The following IL21R variants were observed in gnomAD, a reference collection of about 807,000 sequenced individuals.
The protein encoded by IL21R is interleukin 21 receptor.
In IL21R, 14 loss-of-function variants were observed where a neutral mutation model predicts 41.3. That is an observed-to-expected ratio of 0.34 (90% CI 0.22 to 0.53). The LOEUF (loss-of-function observed/expected upper bound fraction) is 0.53, where lower values mean the gene tolerates loss of function less well. Ranked by LOEUF, IL21R falls within the 20% of genes least tolerant of loss-of-function variation. IL21R has a pLI of 0.94. For synonymous variants in IL21R, 286 were observed against 287.6 expected, an observed-to-expected ratio of 0.99 and a Z score of 0.05; for missense variants, 588 against 681.6, an observed-to-expected ratio of 0.86 and a Z score of 1.53.
At chr16:27,438,239 C>T (rs2087308306) in intron 4 of IL21R, among the ~76,000 whole-genome samples, 1 of 152,026 alleles carries the variant, frequency 6.6e-6, no homozygotes, top group Non-Finnish European at 1.5e-5. Flanking sequence ...TTAACCCTGA[C>T]TTTCTGGGAT....
At position 27,437,575 on chromosome 16, in the gene IL21R, C is replaced by G. The variant is rs1335360995; in HGVS notation, c.240C>G (p.Thr80=). 1.2e-6 allele frequency: 2 copies of G among 1,614,098 alleles called. No homozygotes were observed. The change falls in exon 4 of 9, where the codon ACC becomes ACG. Residue 80 remains threonine (T), a synonymous_variant. Transcript: ENST00000337929. Reference sequence around the variant, plus strand: ...ACAATGCCACGCATGCCACCTACACCTGCCACATGGATGTATTCCACTTCA... The same window carrying G: ...ACAATGCCACGCATGCCACCTACACGTGCCACATGGATGTATTCCACTTCA... ...SAHNATHATY[T]CHMDVFHFMA...
In IL21R at chr16:27,448,672, G is replaced by C; in HGVS notation, c.1006G>C (p.Glu336Gln). The change falls in exon 9 of 9, where the codon GAA (glutamate) becomes CAA (glutamine). Residue 336 changes from glutamate to glutamine, a missense_variant. Coordinates refer to ENST00000337929, the MANE Select transcript of IL21R (RefSeq NM_181078.3). ...AKRLQLTELQ[E>Q]PAELVESDGV... Reference sequence around the variant, plus strand: ...GAGGCTGCAGCTCACGGAGCTACAAGAACCAGCAGAGCTGGTGGAGTCTGA... The same window carrying C: ...GAGGCTGCAGCTCACGGAGCTACAACAACCAGCAGAGCTGGTGGAGTCTGA... The C allele has an allele frequency of 6.2e-7, 1 of 1,613,170 alleles. No individual in the cohort carries two copies. The highest frequency in any genetic ancestry group is 1.7e-4 in the Middle Eastern group (1 of 6,060).
At chr16:27,423,394 G>A (rs1232267293) in intron 1 of IL21R, among the ~76,000 whole-genome samples, 2 of 151,884 alleles carry the variant, frequency 1.3e-5, no homozygotes, top group Admixed American at 6.6e-5. Context: ...CATACAAAAG[G>A]GCATAAAATA....
chr16:27,451,175 T>C lies in IL21R; in HGVS notation c.*1892T>C. ...TAGGGACTCTTGGGTCCAGATGTGC[T>C]GTGGTTTTCACACCTTCTTGGGGGC... On this transcript the variant is annotated 3_prime_UTR_variant, in exon 9 of 9. Coordinates refer to ENST00000337929, the MANE Select transcript of IL21R (RefSeq NM_181078.3). The C allele has an allele frequency of 4.4e-6, 1 of 228,910 alleles. No homozygotes were observed. Among genetic ancestry groups the C allele is most frequent in the Non-Finnish European group, 8.5e-6 (1 of 117,306 alleles). The allele number at this position is 228,910 out of a possible 1,614,324, so 14.2% of individuals were successfully genotyped here.
At chr16:27,406,648 C>T (rs73531156) in intron 1 of IL21R, among the ~76,000 whole-genome samples, 1 of 151,984 alleles carries the variant, frequency 6.6e-6, no homozygotes, top group African/African-American at 2.4e-5. Flanking sequence ...CCCCAACATA[C>T]CTGCCTTCAG....
intron 1 of IL21R, among the ~76,000 whole-genome samples, chr16:27,409,378 A>G (rs1365037113): frequency 6.6e-6 from 1 of 151,214 alleles, no homozygotes; most frequent in Non-Finnish European, 1.5e-5. Context: ...ATTTTCATGA[A>G]GTTTATTTAT....
intron 1 of IL21R, among the ~76,000 whole-genome samples, chr16:27,424,318 C>A (rs2087042583): frequency 6.6e-6 from 1 of 152,162 alleles, no homozygotes; most frequent in Admixed American, 6.5e-5. Context: ...AGGTGATCCA[C>A]CCACCTCGGC....
chr16:27,408,230 G>A (rs911409297), intron 1 of IL21R, among the ~76,000 whole-genome samples: 1 of 152,230 alleles, frequency 6.6e-6, no homozygotes, highest in Non-Finnish European at 1.5e-5. Flanking sequence ...TGACAGAGGA[G>A]CTGCCATTTG....
At chr16:27,448,391 GT>G in intron 8 of IL21R, 142 bp from the exon 9 acceptor site, 1 of 829,536 alleles carries the variant, frequency 1.2e-6, no homozygotes, top group South Asian at 1.9e-5. Flanking sequence ...GGAGGCAGAG[GT>G]TGCAGTGAAC....
chr16:27,418,911 T>A (rs2086951676), intron 1 of IL21R, among the ~76,000 whole-genome samples: 1 of 151,668 alleles, frequency 6.6e-6, no homozygotes, highest in South Asian at 2.1e-4. Flanking sequence ...AAAAAAATTT[T>A]TTTTTGTTAA....
intron 1 of IL21R, chr16:27,403,340 C>A (rs1324096324): frequency 9.8e-7 from 1 of 1,024,830 alleles, no homozygotes; most frequent in Non-Finnish European, 1.3e-6. Context: ...CCCTGGGGAG[C>A]GGGAACTTAG....
intron 1 of IL21R, among the ~76,000 whole-genome samples, chr16:27,421,877 G>A (rs530408408): frequency 5.9e-5 from 9 of 152,066 alleles, no homozygotes; most frequent in African/African-American, 1.9e-4. Flanking sequence ...TAATTGCCTT[G>A]GCTAGAACCT....
At chr16:27,439,884 C>T (rs1483873346) in intron 4 of IL21R, among the ~76,000 whole-genome samples, 3 of 152,116 alleles carry the variant, frequency 2.0e-5, no homozygotes, top group Non-Finnish European at 4.4e-5. Context: ...CTTCACGACC[C>T]CCAGGCTCTG....
intron 1 of IL21R, among the ~76,000 whole-genome samples, chr16:27,424,023 C>T (rs866866262): frequency 9.2e-5 from 14 of 152,056 alleles, no homozygotes; most frequent in South Asian, 2.1e-4. Flanking sequence ...TTTGCCAATC[C>T]GACAAAATTA....
chr16:27,435,339 T>A (rs1452909940), intron 3 of IL21R, among the ~76,000 whole-genome samples: 2 of 152,166 alleles, frequency 1.3e-5, no homozygotes, highest in African/African-American at 4.8e-5. Context: ...AGAGCAAGAC[T>A]GACCAGGCCC....
intron 1 of IL21R, among the ~76,000 whole-genome samples, chr16:27,414,165 A>AGTGTGTGTGTGTGT (rs3917005): frequency 0.24 from 33,886 of 144,022 alleles, 4,247 homozygotes; most frequent in African/African-American, 0.27. Context: ...AGCTATGTAT[A>AGTGTGTGTGTGTGT]GTGTGTGTGT....
Position 27,452,005 on chromosome 16 carries a change from G to T in IL21R, c.*2722G>T, listed in dbSNP as rs529667385. 68 of 225,456 alleles carry T rather than the reference G, an allele frequency of 3.0e-4. 1 individual carries two copies. Among genetic ancestry groups the T allele is most frequent in the Admixed American group, 6.8e-4 (12 of 17,538 alleles). The allele number at this position is 225,456 out of a possible 1,614,324, so 14.0% of individuals were successfully genotyped here. A position where few individuals can be genotyped will look rare whatever the true frequency, so the allele number is the denominator to read the frequency against. On this transcript the variant is annotated 3_prime_UTR_variant, in exon 9 of 9. Transcript: ENST00000337929. Reference sequence around the variant, plus strand: ...GTTCACTGCCTTTAGTCCCAGCCTGGCACATAGTAGGCACTCAATAAAGCC... The same window carrying T: ...GTTCACTGCCTTTAGTCCCAGCCTGTCACATAGTAGGCACTCAATAAAGCC...
rs139727189 is a variant in IL21R, at chr16:27,403,557, C to T, written c.-17+939C>T. The stretch of plus-strand genomic sequence containing the variant: ...CCTCACTCGGTGAACTTGGGCAAGT[C>T]TCTCTGCTTCTAGCCTTGAGAAGCC... On this transcript the variant is annotated intron_variant, in intron 1 of 8. Coordinates refer to ENST00000337929, the MANE Select transcript of IL21R (RefSeq NM_181078.3). 1.7e-3 allele frequency among the ~76,000 whole-genome samples: 261 copies of T among 152,338 alleles called. 3 individuals are homozygous for T. The highest frequency in any genetic ancestry group is 6.0e-3 in the African/African-American group (251 of 41,582).
intron 1 of IL21R, among the ~76,000 whole-genome samples, chr16:27,426,582 T>G (rs940686711): frequency 6.6e-6 from 1 of 152,192 alleles, no homozygotes; most frequent in South Asian, 2.1e-4. Context: ...GGGGAGACGA[T>G]GAGTAATTCA....
Sources: allele counts gnomAD v4.1 joint callset (sites outside exome capture counted in the v4.1 genomes callset), GRCh38; gene constraint gnomAD v4.1.1; transcripts MANE v1.5; gene names NCBI Gene and HGNC (gene_info 2026-07-23, HGNC 2026-07-21).